The following HELZ2 variants were observed in gnomAD, a reference collection of about 807,000 sequenced individuals.
The protein encoded by HELZ2 is 3'-5' exoribonuclease HELZ2.
In HELZ2, 143 loss-of-function variants were observed where a neutral mutation model predicts 208.8. The ratio of observed to expected loss-of-function variants is 0.68; its 90% CI spans 0.60 to 0.79. HELZ2 has a LOEUF of 0.79. Among genes scored for constraint, HELZ2 ranks in the 30% least tolerant of loss-of-function variants. The pLI is 0.00. For missense variants in HELZ2, 3,690 were observed against 3,794.5 expected (o/e 0.97, Z 0.72); for synonymous variants, 1,705 against 1,693.7 (o/e 1.01, Z -0.16).
At chr20:63,561,163 C>T in exon 14 of HELZ2, 1 of 1,613,092 alleles carries the variant, frequency 6.2e-7, no homozygotes, top group Non-Finnish European at 8.5e-7. Context: ...CAAGGATCTG[C>T]CTCACGTCCA....
chr20:63,567,686 AAGCACCT>A, intron 5 of HELZ2, 59 bp from the exon 7 acceptor site: 1 of 1,539,646 alleles, frequency 6.5e-7, no homozygotes, highest in Non-Finnish European at 8.7e-7. Context: ...CTGTCCGCTA[AAGCACCT>A]ACTGTGTGCC....
chr20:63,567,834 C>T lies in HELZ2; in HGVS notation c.1731-207G>A, dbSNP rs755166775. 16 of 1,195,542 alleles carry T rather than the reference C, an allele frequency of 1.3e-5. No homozygotes were observed. The East Asian group carries it at 3.1e-4, about 23-fold the overall frequency. 74.1% of individuals were successfully genotyped at this position (1,195,542 alleles called of 1,614,324 possible). A position where few individuals can be genotyped will look rare whatever the true frequency, so the allele number is the denominator to read the frequency against. On this transcript the variant is annotated intron_variant, in intron 5 of 18. Coordinates refer to ENST00000467148, the Ensembl canonical transcript of HELZ2. ...GCTTCAGGCAACACCTGGGCGAGCC[C>T]AGCGGCTCCTCTGACACTGCAGACA...
exon 12 of HELZ2, chr20:63,561,663 A>G: frequency 6.2e-7 from 1 of 1,612,454 alleles, no homozygotes; most frequent in Non-Finnish European, 8.5e-7. Flanking sequence ...TGCTGCCCAC[A>G]CGCGGCACTG....
In HELZ2 at chr20:63,569,409, C is replaced by T. The variant is rs149168772; in HGVS notation, c.827G>A (p.Arg276His). The T allele has an allele frequency of 4.0e-4, 648 of 1,608,850 alleles. 5 individuals carry two copies. The South Asian group carries it at 4.1e-3, about 10-fold the overall frequency. ...CGCCAGATTCCTGCAGGGTCCTGGG[C>T]GACGCCCCTGGCCCAGCTGCAGCCC... The change falls in exon 4 of 19, where the codon CGC becomes CAC. Residue 276 changes from arginine (R) to histidine (H), a missense_variant. Coordinates refer to ENST00000467148, the Ensembl canonical transcript of HELZ2.
exon 16 of HELZ2, chr20:63,560,588 C>T (rs774706670): frequency 2.5e-6 from 4 of 1,612,364 alleles, no homozygotes; most frequent in Middle Eastern, 1.6e-4. Context: ...GACAGGGCAG[C>T]TCTCCTTGCC....
chr20:63,559,131 T>TCAG, downstream of HELZ2: 1 of 1,156,498 alleles, frequency 8.6e-7, no homozygotes, highest in Non-Finnish European at 1.2e-6. Context: ...AGGGAGATCC[T>TCAG]GAGGCCAGGA....
At chr20:63,567,662 T>G in intron 5 of HELZ2, 35 bp from the exon 7 acceptor site, 1 of 1,578,170 alleles carries the variant, frequency 6.3e-7, no homozygotes, top group East Asian at 2.3e-5. Context: ...GGCTTCTTGC[T>G]GGGGGCCTCA....
exon 8 of HELZ2, chr20:63,564,619 C>T (rs1222828916): frequency 5.1e-6 from 8 of 1,569,112 alleles, no homozygotes; most frequent in Non-Finnish European, 6.9e-6. Context: ...GCACTGGCTC[C>T]CTGCCGGGGG....
Position 63,562,766 on chromosome 20 carries a change from G to T in HELZ2, c.6056C>A (p.Thr2019Lys), listed in dbSNP as rs375772659. The T allele has an allele frequency of 5.0e-6, 8 of 1,604,652 alleles. No homozygotes were observed. In the South Asian group the frequency reaches 7.8e-5, roughly 16 times the overall value. The change falls in exon 8 of 19, where the codon ACG (threonine) becomes AAG (lysine). Residue 2019 changes from threonine (T) to lysine (K), a missense_variant. Physicochemically the swap from Thr to Lys is moderately conservative, Grantham distance 78. Transcript: ENST00000467148. ...GCTGGGCCCAGGGCGTGGGCTGGCCGTGGGAGCCGGCAGCCCCTCGAGCCG... is the reference window on the plus strand; with the variant it reads ...GCTGGGCCCAGGGCGTGGGCTGGCCTTGGGAGCCGGCAGCCCCTCGAGCCG...
At chr20:63,561,466 C>T in exon 13 of HELZ2, 1 of 1,605,476 alleles carries the variant, frequency 6.2e-7, no homozygotes, top group South Asian at 1.1e-5. Flanking sequence ...GGGTGATGCT[C>T]CTGGGGGACA....
chr20:63,560,752 C>G (rs1174433485), intron 15 of HELZ2, 43 bp downstream of exon 16: 1 of 1,604,942 alleles, frequency 6.2e-7, no homozygotes. Flanking sequence ...TGTGGCCCCC[C>G]AGGGGCTGCA....
At position 63,566,072 on chromosome 20, in the gene HELZ2, G is replaced by A. The variant is rs1443949535; in HGVS notation, c.2750C>T (p.Ala917Val). The change falls in exon 8 of 19, where the codon GCC (alanine) becomes GTC (valine). Residue 917 changes from alanine (A) to valine (V), a missense_variant. Ala to Val is a moderately conservative substitution (Grantham distance 64). This residue lies in a region of HELZ2 where 2,564 missense variants were observed against 2,580.5 expected (regional missense o/e 0.99). Transcript: ENST00000467148. Reference sequence around the variant, plus strand: ...GCCGCAGGCCCCGAAGGAGCAGAGGGCCACGGCGTCCCCCACTACCACCAG... The same window carrying A: ...GCCGCAGGCCCCGAAGGAGCAGAGGACCACGGCGTCCCCCACTACCACCAG... 1.3e-6 allele frequency: 2 copies of A among 1,587,332 alleles called. No homozygotes were observed. Among genetic ancestry groups the A allele is most frequent in the Non-Finnish European group, 1.7e-6 (2 of 1,173,084 alleles).
chr20:63,570,647 A>ACG, intron 2 of HELZ2, 36 bp from the exon 4 acceptor site: 117 of 1,497,218 alleles, frequency 7.8e-5, no homozygotes, highest in Non-Finnish European at 9.4e-5. Context: ...AGAGGCCTGG[A>ACG]CCCCACCCCA....
exon 6 of HELZ2, chr20:63,566,949 C>T (rs1271647167): frequency 1.2e-6 from 2 of 1,611,182 alleles, no homozygotes; most frequent in Non-Finnish European, 8.5e-7. Flanking sequence ...CCTGCGCAAT[C>T]TCAGCCAGAT....
chr20:63,562,047 G>A (rs1427272286), intron 10 of HELZ2, 25 bp downstream of exon 11: 2 of 1,604,326 alleles, frequency 1.2e-6, no homozygotes, highest in Non-Finnish European at 1.7e-6. Context: ...AAGGCAGCCT[G>A]CGGCTCCCCC....
chr20:63,567,090 G>A, exon 6 of HELZ2: 1 of 1,612,188 alleles, frequency 6.2e-7, no homozygotes, highest in South Asian at 1.1e-5. Context: ...CCACGTAGAA[G>A]TGCCGCGAGA....
chr20:63,564,367 G>A (rs1354863673), exon 8 of HELZ2: 7 of 1,560,230 alleles, frequency 4.5e-6, no homozygotes, highest in East Asian at 2.4e-5. Flanking sequence ...CGGCCACGAC[G>A]CAGGCGTCCA....
At position 63,570,665 on chromosome 20, in the gene HELZ2, C is replaced by CCCCCCCCCCCG; in HGVS notation, c.462+19_462+20insCGGGGGGGGGG. On this transcript the variant is annotated intron_variant, in intron 2 of 18. Coordinates refer to ENST00000467148, the Ensembl canonical transcript of HELZ2. ...GGCCTGGACCCCACCCCACCCCACC[C>CCCCCCCCCCCG]ACTCCCAGGGCCCACTTACCACAAG... is the stretch of plus-strand genomic sequence containing the variant. The CCCCCCCCCCCG allele has an allele frequency of 6.5e-7, 1 of 1,548,162 alleles. No individual in the cohort carries two copies. The highest frequency in any genetic ancestry group is 8.9e-7 in the Non-Finnish European group (1 of 1,128,652).
chr20:63,567,454 C>T (rs1184084438), exon 6 of HELZ2: 6 of 1,558,744 alleles, frequency 3.8e-6, no homozygotes, highest in Middle Eastern at 3.3e-4. Flanking sequence ...CAGCTCTGCC[C>T]GTGTGGGCGG....
Sources: gnomAD v4.1 joint callset for allele counts on GRCh38, gnomAD v4.1.1 for gene constraint, gnomAD v4.1.1 regional missense constraint, MANE v1.5 for transcripts, NCBI Gene and HGNC (gene_info 2026-07-23, HGNC 2026-07-21) for gene names.